Variants in ZNF385D observed in about 807,000 individuals in gnomAD.
ZNF385D encodes zinc finger protein 385D, also known as zinc finger protein 659.
A neutral mutation model predicts 35.8 loss-of-function variants in ZNF385D; 15 were observed. The ratio of observed to expected loss-of-function variants is 0.42; its 90% CI spans 0.28 to 0.64. ZNF385D has a LOEUF of 0.64. ZNF385D is among the 30% of genes least tolerant of loss of function. The probability of loss-of-function intolerance (pLI) is 0.23; values close to 1 mark genes in which losing one functional copy is unlikely to be tolerated. For synonymous variants in ZNF385D, 212 were observed against 186.8 expected (o/e 1.13, Z -1.10); for missense variants, 474 against 494.6 (o/e 0.96, Z 0.39).
At chr3:21,921,842 GA>G (rs71780202) in intron 3 of ZNF385D, among the ~76,000 whole-genome samples, 17,632 of 140,618 alleles carry the variant, frequency 0.13, 1,396 homozygotes, top group South Asian at 0.26. Context: ...AATCAGTAAT[GA>G]AAAAAAAAAA....
chr3:21,945,454 G>A (rs1399550519), intron 3 of ZNF385D, among the ~76,000 whole-genome samples: 2 of 152,140 alleles, frequency 1.3e-5, no homozygotes, highest in East Asian at 1.9e-4. Context: ...CTCACTAGCT[G>A]TGAAAACTTC....
At chr3:22,123,172 A>T (rs1703194512) in intron 3 of ZNF385D, among the ~76,000 whole-genome samples, 1 of 152,088 alleles carries the variant, frequency 6.6e-6, no homozygotes, top group Non-Finnish European at 1.5e-5. Context: ...ATGAGACAGG[A>T]TGGAAGAGAA....
intron 3 of ZNF385D, among the ~76,000 whole-genome samples, chr3:22,019,240 C>T (rs939510289): frequency 6.6e-6 from 1 of 151,340 alleles, no homozygotes; most frequent in Non-Finnish European, 1.5e-5. Flanking sequence ...GGCATTCTCA[C>T]CTTATTTCTA....
chr3:21,584,116 A>G (rs896326902), intron 2 of ZNF385D, among the ~76,000 whole-genome samples: 2 of 151,704 alleles, frequency 1.3e-5, no homozygotes, highest in African/African-American at 4.8e-5. Flanking sequence ...TGGGATTTCA[A>G]GCACACACCA....
chr3:22,215,956 G>T (rs973301952), intron 2 of ZNF385D, among the ~76,000 whole-genome samples: 1 of 151,820 alleles, frequency 6.6e-6, no homozygotes, highest in Non-Finnish European at 1.5e-5. Flanking sequence ...AATATCGGGG[G>T]TGAATTTCGT....
intron 2 of ZNF385D, among the ~76,000 whole-genome samples, chr3:21,572,131 T>C (rs968000635): frequency 3.9e-5 from 6 of 152,146 alleles, no homozygotes; most frequent in Non-Finnish European, 1.5e-5. Flanking sequence ...CCATCCTGAC[T>C]CAGCTCATTA....
intron 1 of ZNF385D, among the ~76,000 whole-genome samples, chr3:21,731,824 G>A (rs1281772822): frequency 6.6e-6 from 1 of 151,986 alleles, no homozygotes; most frequent in South Asian, 2.1e-4. Flanking sequence ...TTTCAGACTG[G>A]ATTCTTTCAC....
At chr3:21,608,023 G>GTTTTTTTTTT (rs572518584) in intron 2 of ZNF385D, among the ~76,000 whole-genome samples, 6 of 120,210 alleles carry the variant, frequency 5.0e-5, no homozygotes, top group African/African-American at 1.3e-4. Flanking sequence ...TTTTTTTTTT[G>GTTTTTTTTTT]TTTTTTTTTT....
chr3:21,838,466 G>C (rs1465136948), intron 3 of ZNF385D, among the ~76,000 whole-genome samples: 4 of 152,078 alleles, frequency 2.6e-5, no homozygotes, highest in Non-Finnish European at 5.9e-5. Context: ...CTTCCTGTTT[G>C]AGTGTTTTTA....
chr3:21,981,859 G>C (rs1026745397), intron 3 of ZNF385D, among the ~76,000 whole-genome samples: 3 of 152,022 alleles, frequency 2.0e-5, no homozygotes, highest in Non-Finnish European at 4.4e-5. Flanking sequence ...CTTTGTTGAC[G>C]ATCAGATGTT....
chr3:21,798,156 C>T (rs1381526478), intron 3 of ZNF385D, among the ~76,000 whole-genome samples: 1 of 152,096 alleles, frequency 6.6e-6, no homozygotes, highest in Non-Finnish European at 1.5e-5. Flanking sequence ...ATCTCTGTAC[C>T]TGCCTTTTAA....
intron 3 of ZNF385D, among the ~76,000 whole-genome samples, chr3:21,890,744 T>C (rs259529): frequency 6.6e-6 from 1 of 152,006 alleles, no homozygotes; most frequent in African/African-American, 2.4e-5. Flanking sequence ...GCAGCTCAAG[T>C]ATTCAAGAGA....
chr3:22,015,344 T>C (rs1422674465), intron 3 of ZNF385D, among the ~76,000 whole-genome samples: 1 of 152,186 alleles, frequency 6.6e-6, no homozygotes, highest in Non-Finnish European at 1.5e-5. Flanking sequence ...TGCACCATAA[T>C]GCATCATACA....
chr3:21,543,848 T>C (rs534671602), intron 3 of ZNF385D, among the ~76,000 whole-genome samples: 2 of 152,210 alleles, frequency 1.3e-5, no homozygotes, highest in Non-Finnish European at 2.9e-5. Context: ...GCCTCCATGT[T>C]GTTTTACATC....
At chr3:22,115,002 A>C (rs1055316177) in intron 3 of ZNF385D, among the ~76,000 whole-genome samples, 1 of 152,096 alleles carries the variant, frequency 6.6e-6, no homozygotes, top group African/African-American at 2.4e-5. Flanking sequence ...GAACTGCAAG[A>C]AATCAATCTC....
chr3:21,756,458 T>A (rs970803293), intron 3 of ZNF385D, among the ~76,000 whole-genome samples: 5 of 152,070 alleles, frequency 3.3e-5, no homozygotes, highest in African/African-American at 1.2e-4. Context: ...TCTTATTATA[T>A]CCAAGTAGAA....
At chr3:22,013,617 G>C (rs1696708675) in intron 3 of ZNF385D, among the ~76,000 whole-genome samples, 1 of 152,118 alleles carries the variant, frequency 6.6e-6, no homozygotes, top group African/African-American at 2.4e-5. Context: ...CGACCACTAG[G>C]ATTAGGTAGA....
chr3:22,116,218 G>C (rs1702804416), intron 3 of ZNF385D, among the ~76,000 whole-genome samples: 1 of 151,818 alleles, frequency 6.6e-6, no homozygotes, highest in South Asian at 2.1e-4. Flanking sequence ...ATTTTTCTTT[G>C]TATTCTCTCC....
At chr3:21,597,657 G>T (rs759086290) in intron 2 of ZNF385D, among the ~76,000 whole-genome samples, 1 of 151,130 alleles carries the variant, frequency 6.6e-6, no homozygotes, top group Non-Finnish European at 1.5e-5. Flanking sequence ...AAAATAGATG[G>T]AATGTAAAAG....
Sources: allele counts gnomAD v4.1 joint callset (sites outside exome capture counted in the v4.1 genomes callset), GRCh38; gene constraint gnomAD v4.1.1; transcripts MANE v1.5; gene names NCBI Gene and HGNC (gene_info 2026-07-23, HGNC 2026-07-21).